Variants in TP73 observed in about 807,000 individuals in gnomAD.
TP73 encodes the protein p53-like transcription factor.
TP73 carries 25 observed loss-of-function variants against 62.5 expected under a neutral mutation model. The observed-to-expected ratio is 0.40, with a 90% CI of 0.29 to 0.56. TP73 has a LOEUF of 0.56. Ranked by LOEUF, TP73 falls within the 20% of genes least tolerant of loss-of-function variation. The pLI is 0.46. For synonymous variants in TP73, 423 were observed against 377.5 expected, an observed-to-expected ratio of 1.12 and a Z score of -1.40; for missense variants, 754 against 913.3, an observed-to-expected ratio of 0.83 and a Z score of 2.25.
chr1:3,672,391 G>A lies in TP73; in HGVS notation c.-33-9942G>A, dbSNP rs1328093560. ...GTGTGATCCCTTGGGGTAGAAAGGG[G>A]GTGTGAGAGGAGGATCGGAGGGGGC... On this transcript the variant is annotated intron_variant, in intron 1 of 13. Coordinates refer to ENST00000378295, the MANE Select transcript of TP73 (RefSeq NM_005427.4). This position sits in a 1 kb window ranked among gnomAD's most constrained non-coding sequence, Gnocchi z 5.3. 1.3e-5 allele frequency among the ~76,000 whole-genome samples: 2 copies of A among 152,150 alleles called. No homozygotes were observed. The highest frequency in any genetic ancestry group is 4.8e-5 in the African/African-American group (2 of 41,426).
chr1:3,699,027 G>A lies in TP73; in HGVS notation c.187-8522G>A, dbSNP rs778703219. ...TTGGGCAAGGCCTCGCCTCAGCCCC[G>A]GGTGAGAGCAGAGGGTGCTGTGGGT... On this transcript the variant is annotated intron_variant, in intron 3 of 13. Transcript: ENST00000378295. The surrounding 1 kb of genome is among the most constrained non-coding windows in gnomAD (Gnocchi z 4.1). 2.0e-5 allele frequency among the ~76,000 whole-genome samples: 3 copies of A among 152,128 alleles called. No individual in the cohort carries two copies. Among genetic ancestry groups the A allele is most frequent in the South Asian group, 2.1e-4 (1 of 4,830 alleles).
At position 3,725,766 on chromosome 1, in the gene TP73, G is replaced by T. The variant is rs1471003891; in HGVS notation, c.733-1349G>T. 1.3e-3 allele frequency among the ~76,000 whole-genome samples: 151 copies of T among 115,102 alleles called. 1 individual carries two copies. Among genetic ancestry groups the T allele is most frequent in the African/African-American group, 4.6e-3 (131 of 28,388 alleles). The allele number at this position is 115,102 out of a possible 152,430, so 75.5% of individuals were successfully genotyped here. A position where few individuals can be genotyped will look rare whatever the true frequency, so the allele number is the denominator to read the frequency against. On this transcript the variant is annotated intron_variant, in intron 6 of 13. Transcript: ENST00000378295. ...GGGGGAGTGGATGGATGGATGGGGT[G>T]GGGGGGTGGATGGATGGATGGATAG...
intron 3 of TP73, among the ~76,000 whole-genome samples, chr1:3,683,382 C>T (rs577779243): frequency 2.6e-5 from 4 of 152,260 alleles, no homozygotes; most frequent in East Asian, 3.9e-4. Flanking sequence ...GGAATGGATT[C>T]AGGCATGGCT....
chr1:3,714,638 C>T (rs765339500), intron 4 of TP73, among the ~76,000 whole-genome samples: 5 of 152,372 alleles, frequency 3.3e-5, no homozygotes, highest in African/African-American at 7.2e-5. Context: ...CTACTGGCAA[C>T]GGGCCCTCCA....
intron 6 of TP73, 57 bp downstream of exon 6, chr1:3,723,526 G>A: frequency 3.6e-6 from 3 of 841,618 alleles, no homozygotes; most frequent in Middle Eastern, 2.4e-4. Flanking sequence ...CGGGTCGGGG[G>A]AGGGGTCCCC....
intron 4 of TP73, chr1:3,708,086 C>T: frequency 2.0e-6 from 1 of 503,760 alleles, no homozygotes; most frequent in South Asian, 2.4e-5. Context: ...CAGCGGCTTC[C>T]CCATGCTCAG....
At chr1:3,702,995 C>A (rs1639325613) in intron 3 of TP73, among the ~76,000 whole-genome samples, 2 of 152,184 alleles carry the variant, frequency 1.3e-5, no homozygotes, top group African/African-American at 2.4e-5. Flanking sequence ...AAGCTCCTTG[C>A]CGCCAGGCAG....
In TP73 at chr1:3,666,150, AAGAGAG is replaced by A. The variant is rs1419088937; in HGVS notation, c.-34+13523_-34+13528del. On this transcript the variant is annotated intron_variant, in intron 1 of 13. Transcript: ENST00000378295. This position sits in a 1 kb window ranked among gnomAD's most constrained non-coding sequence, Gnocchi z 6.4. ...AAAAAAAAAAAAAAAAAAAAAAAAA[AAGAGAG>A]AGAGAGAGAGAGAATCTCACTCTGC... 3.6e-5 allele frequency among the ~76,000 whole-genome samples: 5 copies of A among 138,634 alleles called. No individual in the cohort carries two copies. Among genetic ancestry groups the A allele is most frequent in the Non-Finnish European group, 7.7e-5 (5 of 65,144 alleles). 90.9% of individuals were successfully genotyped at this position (138,634 alleles called of 152,430 possible). A position where few individuals can be genotyped will look rare whatever the true frequency, so the allele number is the denominator to read the frequency against.
At position 3,731,012 on chromosome 1, in the gene TP73, G is replaced by T. The variant is rs777809568; in HGVS notation, c.1431G>T (p.Ser477=). The change falls in exon 12 of 14, where the codon TCG becomes TCT. Residue 477 remains serine, a synonymous_variant. Transcript: ENST00000378295. ...GCCACAGCGCCCAGTCCATGGTCTCGGGGTCCCACTGCACTCCGCCACCCC... is the reference window on the plus strand; with the variant it reads ...GCCACAGCGCCCAGTCCATGGTCTCTGGGTCCCACTGCACTCCGCCACCCC... ...SSSHSAQSMV[S]GSHCTPPPPY... is the part of the protein sequence containing the mutation. The T allele has an allele frequency of 6.2e-7, 1 of 1,612,452 alleles. No individual in the cohort carries two copies. The highest frequency in any genetic ancestry group is 8.5e-7 in the Non-Finnish European group (1 of 1,179,820).
chr1:3,734,418 G>A lies in TP73; in HGVS notation c.*1339G>A, dbSNP rs1194337510. ...AGCCCCTGGGGGGCCTCACGGGTGTGACGAGGCCCTTCATTGCAGGCAGGT... is the reference window on the plus strand; with the variant it reads ...AGCCCCTGGGGGGCCTCACGGGTGTAACGAGGCCCTTCATTGCAGGCAGGT... On this transcript the variant is annotated 3_prime_UTR_variant, in exon 14 of 14. Coordinates refer to ENST00000378295, the MANE Select transcript of TP73 (RefSeq NM_005427.4). The surrounding 1 kb of genome is among the most constrained non-coding windows in gnomAD (Gnocchi z 4.4). The A allele has an allele frequency of 6.6e-6, 1 of 152,176 alleles. No homozygotes were observed. The highest frequency in any genetic ancestry group is 1.5e-5 in the Non-Finnish European group (1 of 68,036). The allele number at this position is 152,176 out of a possible 1,614,324, so 9.4% of individuals were successfully genotyped here. A position where few individuals can be genotyped will look rare whatever the true frequency, so the allele number is the denominator to read the frequency against.
chr1:3,704,063 C>T (rs951831640), intron 3 of TP73, among the ~76,000 whole-genome samples: 8 of 152,300 alleles, frequency 5.3e-5, no homozygotes, highest in South Asian at 4.1e-4. Context: ...CTGGGGGAGC[C>T]GTCCTGCATT....
intron 1 of TP73, among the ~76,000 whole-genome samples, chr1:3,657,522 G>A (rs931633049): frequency 3.9e-5 from 6 of 152,186 alleles, no homozygotes; most frequent in African/African-American, 7.2e-5. Flanking sequence ...TCTGAGGCTC[G>A]TTCCCAGAGG....
rs1300065467 is a variant in TP73 at position 3,666,772 on chromosome 1, GA to G, written c.-34+14132del. ...TGGGGATGGTGCTCTGAGCAGACGCGACTCAGTGCCATGCGGGCGTCTCTCC... is the reference window on the plus strand; with the variant it reads ...TGGGGATGGTGCTCTGAGCAGACGCGCTCAGTGCCATGCGGGCGTCTCTCC... On this transcript the variant is annotated intron_variant, in intron 1 of 13. Coordinates refer to ENST00000378295, the MANE Select transcript of TP73 (RefSeq NM_005427.4). The surrounding 1 kb of genome is among the most constrained non-coding windows in gnomAD (Gnocchi z 6.4). 6.6e-5 allele frequency among the ~76,000 whole-genome samples: 10 copies of G among 152,168 alleles called. No homozygotes were observed. Among genetic ancestry groups the G allele is most frequent in the African/African-American group, 9.7e-5 (4 of 41,426 alleles).
Position 3,733,314 on chromosome 1 carries a change from G to A in TP73, c.*235G>A, listed in dbSNP as rs1407264266. 1 of 586,992 alleles carries A rather than the reference G, an allele frequency of 1.7e-6. No individual in the cohort carries two copies. 36.4% of individuals were successfully genotyped at this position (586,992 alleles called of 1,614,324 possible). A position where few individuals can be genotyped will look rare whatever the true frequency, so the allele number is the denominator to read the frequency against. On this transcript the variant is annotated 3_prime_UTR_variant, in exon 14 of 14. Coordinates refer to ENST00000378295, the MANE Select transcript of TP73 (RefSeq NM_005427.4). ...AACCTTCTGGAGCTGCCCTAGTGCT[G>A]GGCTTGTGGGGCGGGGGCTGGCCCA...
chr1:3,698,868 C>A (rs978664902), intron 3 of TP73, among the ~76,000 whole-genome samples: 2 of 152,212 alleles, frequency 1.3e-5, no homozygotes, highest in African/African-American at 4.8e-5. Context: ...TCAGCCGCTG[C>A]GGGCAGGTGC....
At chr1:3,720,327 T>C (rs1443280975) in intron 4 of TP73, among the ~76,000 whole-genome samples, 2 of 152,228 alleles carry the variant, frequency 1.3e-5, no homozygotes, top group African/African-American at 2.4e-5. Flanking sequence ...CCTAAGGCCC[T>C]GTGCCCAAGG....
intron 4 of TP73, among the ~76,000 whole-genome samples, chr1:3,714,639 G>A (rs76936525): frequency 8.1e-4 from 124 of 152,386 alleles, no homozygotes; most frequent in African/African-American, 2.8e-3. Context: ...TACTGGCAAC[G>A]GGCCCTCCAG....
rs565860680 is a variant in TP73 at position 3,708,160 on chromosome 1, CTGT to C, written c.429+370_429+372del. The C allele has an allele frequency of 1.3e-3, 397 of 307,688 alleles. 1 individual carries two copies. Among genetic ancestry groups the C allele is most frequent in the African/African-American group, 7.9e-3 (375 of 47,448 alleles). The allele number at this position is 307,688 out of a possible 1,614,324, so 19.1% of individuals were successfully genotyped here. Reference sequence around the variant, plus strand: ...CACGGGCTCTGCTGCCAAGAGTTGTCTGTCCGAGACAGGCCCACAGCCCTAGGG... The same window carrying C: ...CACGGGCTCTGCTGCCAAGAGTTGTCCCGAGACAGGCCCACAGCCCTAGGG... On this transcript the variant is annotated intron_variant, in intron 4 of 13. Transcript: ENST00000378295.
Position 3,732,852 on chromosome 1 carries a change from C to G in TP73, c.1684C>G (p.Arg562Gly), listed in dbSNP as rs530648280. Reference sequence around the variant, plus strand: ...CTACAGCACCGCGCAGCAGCTGCTCCGCTCTAGCAACGCGGCCACCATCTC... The same window carrying G: ...CTACAGCACCGCGCAGCAGCTGCTCGGCTCTAGCAACGCGGCCACCATCTC... ...HDYSTAQQLLRSSNAATISIG... is the reference protein window; with the variant it reads ...HDYSTAQQLLGSSNAATISIG... Residue 562 changes from arginine to glycine, a missense_variant, in exon 14 of 14, where the codon CGC becomes GGC. Transcript: ENST00000378295. 1 of 1,611,950 alleles carries G rather than the reference C, an allele frequency of 6.2e-7. No individual in the cohort carries two copies. The highest frequency in any genetic ancestry group is 8.5e-7 in the Non-Finnish European group (1 of 1,179,716).
Sources: allele counts gnomAD v4.1 joint callset (sites outside exome capture counted in the v4.1 genomes callset), GRCh38; gene constraint gnomAD v4.1.1; non-coding constraint Gnocchi (gnomAD v3.1); transcripts MANE v1.5; gene names NCBI Gene and HGNC (gene_info 2026-07-23, HGNC 2026-07-21).